Variants in VEPH1 observed in about 807,000 individuals in gnomAD.
VEPH1 encodes the protein ventricular zone-expressed PH domain-containing protein homolog 1.
Under a neutral mutation model 85.2 loss-of-function variants are expected in VEPH1, and 80 were observed. The observed-to-expected ratio is 0.94, with a 90% CI of 0.78 to 1.13. The LOEUF (loss-of-function observed/expected upper bound fraction) is 1.13, where lower values mean the gene tolerates loss of function less well. VEPH1 is among the 50% of genes most tolerant of loss of function. VEPH1 has a pLI of 0.00. For synonymous variants in VEPH1, 297 were observed against 348.0 expected, an observed-to-expected ratio of 0.85 and a Z score of 1.63; for missense variants, 955 against 980.5, an observed-to-expected ratio of 0.97 and a Z score of 0.35.
chr3:157,364,240 G>T, intron 8 of VEPH1, 63 bp downstream of exon 8: 1 of 1,319,074 alleles, frequency 7.6e-7, no homozygotes, highest in Non-Finnish European at 1.1e-6. Flanking sequence ...ATAACAGAGT[G>T]ATAACAAAGC....
intron 6 of VEPH1, among the ~76,000 whole-genome samples, chr3:157,385,217 A>G (rs976454021): frequency 1.9e-5 from 2 of 103,008 alleles, no homozygotes; most frequent in East Asian, 5.6e-4. Context: ...AGCTCCTCCC[A>G]TCAAAAAAAA....
At chr3:157,295,083 T>A (rs1717957767) in intron 11 of VEPH1, among the ~76,000 whole-genome samples, 1 of 152,200 alleles carries the variant, frequency 6.6e-6, no homozygotes, top group South Asian at 2.1e-4. Flanking sequence ...AAATTCACAT[T>A]GTCAAGGTTC....
intron 6 of VEPH1, among the ~76,000 whole-genome samples, chr3:157,396,052 C>T (rs1332502463): frequency 3.9e-5 from 6 of 152,182 alleles, no homozygotes; most frequent in Non-Finnish European, 8.8e-5. Context: ...TTAAGTCTTG[C>T]ATGCATTATC....
chr3:157,275,131 C>T (rs75340889), intron 12 of VEPH1, among the ~76,000 whole-genome samples: 2,833 of 152,240 alleles, frequency 0.019, 49 homozygotes, highest in Middle Eastern at 0.041. Flanking sequence ...TTGGCTTATG[C>T]CAGTTTTGTC....
intron 11 of VEPH1, among the ~76,000 whole-genome samples, chr3:157,308,645 G>A (rs995251981): frequency 1.3e-5 from 2 of 151,876 alleles, no homozygotes; most frequent in Non-Finnish European, 2.9e-5. Context: ...CACTTCATAA[G>A]AGATAAAAAA....
At chr3:157,338,301 C>T (rs1211888202) in intron 9 of VEPH1, among the ~76,000 whole-genome samples, 1 of 152,094 alleles carries the variant, frequency 6.6e-6, no homozygotes, top group Non-Finnish European at 1.5e-5. Context: ...ATCTGTAAAC[C>T]AAGGCCTTGT....
intron 2 of VEPH1, among the ~76,000 whole-genome samples, chr3:157,491,835 C>G (rs1305297898): frequency 6.6e-6 from 1 of 152,116 alleles, no homozygotes; most frequent in Non-Finnish European, 1.5e-5. Context: ...ACCTGAATGC[C>G]TTAGCACATC....
chr3:157,324,456 A>G (rs1350292683), intron 9 of VEPH1, among the ~76,000 whole-genome samples: 1 of 152,112 alleles, frequency 6.6e-6, no homozygotes, highest in African/African-American at 2.4e-5. Flanking sequence ...TATTAAGCCC[A>G]GCATCCACTA....
intron 4 of VEPH1, among the ~76,000 whole-genome samples, chr3:157,454,860 G>C (rs150011875): frequency 6.6e-6 from 1 of 152,096 alleles, no homozygotes; most frequent in African/African-American, 2.4e-5. Context: ...TGTGGTATCT[G>C]CATTAATTCG....
chr3:157,482,529 T>G (rs1419053166), intron 2 of VEPH1, among the ~76,000 whole-genome samples: 4 of 152,276 alleles, frequency 2.6e-5, no homozygotes, highest in African/African-American at 9.6e-5. Context: ...CAGCTGATGT[T>G]GATAGTTTGA....
chr3:157,473,288 G>A (rs1340119871), intron 2 of VEPH1, among the ~76,000 whole-genome samples: 1 of 151,674 alleles, frequency 6.6e-6, no homozygotes, highest in Non-Finnish European at 1.5e-5. Context: ...TAGTCAGGAT[G>A]GTCTCAATCC....
At chr3:157,365,232 G>A (rs1386470422) in intron 7 of VEPH1, among the ~76,000 whole-genome samples, 1 of 152,168 alleles carries the variant, frequency 6.6e-6, no homozygotes, top group African/African-American at 2.4e-5. Context: ...TCACTGAGGT[G>A]CTGAGTAATT....
intron 11 of VEPH1, among the ~76,000 whole-genome samples, chr3:157,290,067 C>T (rs1717299628): frequency 7.6e-6 from 1 of 132,010 alleles, no homozygotes; most frequent in African/African-American, 2.6e-5. Context: ...CACACACACA[C>T]ACACACACAC....
intron 1 of VEPH1, among the ~76,000 whole-genome samples, chr3:157,499,981 C>G (rs1045989560): frequency 6.6e-5 from 10 of 152,186 alleles, no homozygotes; most frequent in African/African-American, 2.4e-4. Context: ...TTTACTCTGC[C>G]TCTAGAGTAA....
At chr3:157,437,118 G>T in intron 4 of VEPH1, 1 of 1,592,356 alleles carries the variant, frequency 6.3e-7, no homozygotes, top group South Asian at 1.1e-5. Flanking sequence ...CCACCTCTTG[G>T]TCTAAATAAC....
At chr3:157,460,380 A>G in intron 3 of VEPH1, 25 bp from the exon 4 acceptor site, 1 of 1,594,340 alleles carries the variant, frequency 6.3e-7, no homozygotes, top group Non-Finnish European at 8.5e-7. Flanking sequence ...GAAAGCCACA[A>G]ATAATAAGTG....
chr3:157,468,600 T>C (rs1560087648), intron 3 of VEPH1, among the ~76,000 whole-genome samples: 5 of 151,884 alleles, frequency 3.3e-5, no homozygotes, highest in African/African-American at 7.3e-5. Flanking sequence ...ATAATGATAA[T>C]AACAACAATA....
intron 2 of VEPH1, among the ~76,000 whole-genome samples, chr3:157,482,971 T>C (rs768448137): frequency 1.3e-5 from 2 of 152,170 alleles, no homozygotes; most frequent in Non-Finnish European, 2.9e-5. Flanking sequence ...CATTTTCATG[T>C]GTGGTTGATA....
At chr3:157,423,682 A>G (rs892534051) in intron 5 of VEPH1, among the ~76,000 whole-genome samples, 1 of 152,114 alleles carries the variant, frequency 6.6e-6, no homozygotes, top group African/African-American at 2.4e-5. Context: ...AGAATTTATC[A>G]CCTTGTTTAA....
Sources: gnomAD v4.1 joint callset for allele counts (sites outside exome capture counted in the v4.1 genomes callset) on GRCh38, gnomAD v4.1.1 for gene constraint, MANE v1.5 for transcripts, NCBI Gene and HGNC (gene_info 2026-07-23, HGNC 2026-07-21) for gene names.